Variants in RFX3 observed in about 807,000 individuals in gnomAD.
RFX3 encodes regulatory factor X3, also known as transcription factor RFX3.
RFX3 carries 14 observed loss-of-function variants against 98.6 expected under a neutral mutation model. The ratio of observed to expected loss-of-function variants is 0.14; its 90% CI spans 0.09 to 0.22. The LOEUF is 0.22. Ranked by LOEUF, RFX3 falls within the 10% of genes least tolerant of loss-of-function variation. The pLI is 1.00. For missense variants in RFX3, 639 were observed against 926.9 expected, an observed-to-expected ratio of 0.69 and a Z score of 4.03; for synonymous variants, 383 against 328.4, an observed-to-expected ratio of 1.17 and a Z score of -1.80.
intron 1 of RFX3, among the ~76,000 whole-genome samples, chr9:3,422,261 C>G (rs1214023706): frequency 6.6e-6 from 1 of 152,192 alleles, no homozygotes; most frequent in Non-Finnish European, 1.5e-5. Context: ...AGGGCTGACT[C>G]CAGAGTCAAC....
intron 1 of RFX3, among the ~76,000 whole-genome samples, chr9:3,476,428 T>C (rs1849262584): frequency 6.6e-6 from 1 of 152,072 alleles, no homozygotes; most frequent in Non-Finnish European, 1.5e-5. Context: ...TTATCAGCAT[T>C]GATGCAAAGT....
chr9:3,282,675 T>C (rs557114678), intron 7 of RFX3, among the ~76,000 whole-genome samples: 6 of 151,928 alleles, frequency 3.9e-5, no homozygotes, highest in East Asian at 1.9e-4. Context: ...GTTAGCTGTA[T>C]AGAACTGATA....
chr9:3,476,061 C>G (rs1474062066), intron 1 of RFX3, among the ~76,000 whole-genome samples: 2 of 152,090 alleles, frequency 1.3e-5, no homozygotes, highest in Non-Finnish European at 2.9e-5. Flanking sequence ...GTCCCCTCAG[C>G]TCCTATCTCT....
At chr9:3,254,855 A>G (rs1042599960) in intron 14 of RFX3, among the ~76,000 whole-genome samples, 1 of 152,218 alleles carries the variant, frequency 6.6e-6, no homozygotes, top group Non-Finnish European at 1.5e-5. Context: ...CATTTCTCAT[A>G]AACACCCAGA....
rs754332097 is a variant in RFX3, at chr9:3,330,261, T to A, written c.472A>T (p.Thr158Ser). Residue 158 changes from threonine (T) to serine (S), a missense_variant and splice_region_variant, in exon 4 of 17, where the codon ACA becomes TCA. This residue lies in a region of RFX3 where 210 missense variants were observed against 197.7 expected (regional missense o/e 1.06). Transcript: ENST00000617270. The part of the protein sequence containing the change: ...VTHTTRASPA[T>S]IEMAIETLQK... ...CTACTAAAAATTCAAATACTTACTGTCGCTGGGGAGGCCCGAGTTGTGTGT... is the reference window on the plus strand; with the variant it reads ...CTACTAAAAATTCAAATACTTACTGACGCTGGGGAGGCCCGAGTTGTGTGT... The A allele has an allele frequency of 6.2e-7, 1 of 1,614,034 alleles. No individual in the cohort carries two copies. The highest frequency in any genetic ancestry group is 1.7e-5 in the Admixed American group (1 of 59,992).
At chr9:3,443,411 C>G (rs1032947064) in intron 1 of RFX3, among the ~76,000 whole-genome samples, 1 of 152,118 alleles carries the variant, frequency 6.6e-6, no homozygotes, top group East Asian at 1.9e-4. Context: ...TGTGTCCATG[C>G]GTTCTCATCA....
chr9:3,499,703 T>C (rs532630790), intron 1 of RFX3, among the ~76,000 whole-genome samples: 1 of 152,208 alleles, frequency 6.6e-6, no homozygotes, highest in Non-Finnish European at 1.5e-5. Context: ...ATAAGCCTTT[T>C]TCATAAGATA....
At chr9:3,377,915 G>C (rs1838731044) in intron 2 of RFX3, among the ~76,000 whole-genome samples, 1 of 151,936 alleles carries the variant, frequency 6.6e-6, no homozygotes, top group Admixed American at 6.6e-5. Flanking sequence ...TATTATGTTT[G>C]CTTCTTAGTT....
At chr9:3,259,699 T>C (rs896496259) in intron 13 of RFX3, among the ~76,000 whole-genome samples, 3 of 151,716 alleles carry the variant, frequency 2.0e-5, no homozygotes, top group South Asian at 4.2e-4. Flanking sequence ...CGTAATACTA[T>C]CAATTAAATG....
chr9:3,304,383 A>G (rs993123291), intron 4 of RFX3, among the ~76,000 whole-genome samples: 1 of 151,974 alleles, frequency 6.6e-6, no homozygotes, highest in African/African-American at 2.4e-5. Context: ...TGTGCAAAAG[A>G]TCATGATTAC....
At chr9:3,387,145 G>C (rs1299662631) in intron 2 of RFX3, among the ~76,000 whole-genome samples, 1 of 151,896 alleles carries the variant, frequency 6.6e-6, no homozygotes, top group African/African-American at 2.4e-5. Flanking sequence ...CACATCTTTG[G>C]TGTCACATTA....
chr9:3,296,564 T>C (rs566645838), intron 5 of RFX3, among the ~76,000 whole-genome samples: 28 of 152,168 alleles, frequency 1.8e-4, no homozygotes, highest in African/African-American at 6.7e-4. Context: ...TATACATATA[T>C]ATTTATATAA....
intron 14 of RFX3, among the ~76,000 whole-genome samples, chr9:3,248,950 C>A (rs1821029627): frequency 1.3e-5 from 2 of 152,078 alleles, no homozygotes; most frequent in South Asian, 4.1e-4. Context: ...AAAATAAAAT[C>A]TTGGCTTCAA....
chr9:3,458,092 T>C (rs183932790), intron 1 of RFX3, among the ~76,000 whole-genome samples: 216 of 152,244 alleles, frequency 1.4e-3, no homozygotes, highest in African/African-American at 4.8e-3. Flanking sequence ...GCCATGGCAA[T>C]ATAAAAAAGG....
At chr9:3,307,399 A>G (rs763076893) in intron 4 of RFX3, among the ~76,000 whole-genome samples, 1 of 152,146 alleles carries the variant, frequency 6.6e-6, no homozygotes, top group African/African-American at 2.4e-5. Flanking sequence ...TATATTATTA[A>G]TAATTTGGGA....
intron 2 of RFX3, among the ~76,000 whole-genome samples, chr9:3,387,142 T>C (rs189728045): frequency 6.6e-6 from 1 of 152,268 alleles, no homozygotes; most frequent in Admixed American, 6.5e-5. Context: ...GGTCACATCT[T>C]TGGTGTCACA....
intron 1 of RFX3, among the ~76,000 whole-genome samples, chr9:3,415,369 C>G (rs2132259329): frequency 1.3e-5 from 2 of 151,582 alleles, no homozygotes; most frequent in Middle Eastern, 6.8e-3. Flanking sequence ...CGTGAGCCAC[C>G]CTGGCTAGCC....
chr9:3,415,240 G>T (rs1025235095), intron 1 of RFX3, among the ~76,000 whole-genome samples: 1 of 142,974 alleles, frequency 7.0e-6, no homozygotes, highest in African/African-American at 2.6e-5. Flanking sequence ...TAAGAGTTGG[G>T]ATCTTGCTCT....
At chr9:3,345,464 C>G (rs1317251739) in intron 3 of RFX3, among the ~76,000 whole-genome samples, 1 of 152,046 alleles carries the variant, frequency 6.6e-6, no homozygotes, top group Non-Finnish European at 1.5e-5. Context: ...TGGGTAGATT[C>G]AGTGACCAAA....
Sources: gnomAD v4.1 joint callset for allele counts (sites outside exome capture counted in the v4.1 genomes callset) on GRCh38, gnomAD v4.1.1 for gene constraint, gnomAD v4.1.1 regional missense constraint, MANE v1.5 for transcripts, NCBI Gene and HGNC (gene_info 2026-07-23, HGNC 2026-07-21) for gene names.